HERC3: variants seen among roughly 807,000 people sequenced by gnomAD.
HERC3 encodes the protein probable E3 ubiquitin-protein ligase HERC3.
HERC3 carries 58 observed loss-of-function variants against 129.9 expected under a neutral mutation model. The ratio of observed to expected loss-of-function variants is 0.45; its 90% CI spans 0.36 to 0.56. The LOEUF is 0.56. Ranked by LOEUF, HERC3 falls within the 20% of genes least tolerant of loss-of-function variation. The pLI, the probability that HERC3 is intolerant of heterozygous loss-of-function variation, is 0.00. For missense variants in HERC3, 835 were observed against 1,244.2 expected (o/e 0.67, Z 4.95); for synonymous variants, 430 against 451.0 (o/e 0.95, Z 0.59).
intron 23 of HERC3, chr4:88,693,395 T>C: frequency 1.0e-6 from 1 of 973,132 alleles, no homozygotes; most frequent in South Asian, 4.8e-5. Context: ...TATGTCATTA[T>C]CACCATTTCA....
Position 88,704,660 on chromosome 4 carries a change from A to G in HERC3, c.2944+50A>G, listed in dbSNP as rs769033640. 32 of 1,142,168 alleles carry G rather than the reference A, an allele frequency of 2.8e-5. No homozygotes were observed. The Admixed American group carries it at 5.5e-4, about 20-fold the overall frequency. 70.8% of individuals were successfully genotyped at this position (1,142,168 alleles called of 1,614,324 possible). On this transcript the variant is annotated intron_variant, in intron 25 of 25. Coordinates refer to ENST00000402738, the MANE Select transcript of HERC3 (RefSeq NM_014606.3). ...GTATTTGTCTACATTTTAGTCTTAC[A>G]TACAGTATAGGATGACATGCTCCAC...
chr4:88,646,486 G>T (rs1459278142), intron 3 of HERC3, among the ~76,000 whole-genome samples: 1 of 152,168 alleles, frequency 6.6e-6, no homozygotes, highest in Non-Finnish European at 1.5e-5. Context: ...GCTGTGGAAG[G>T]TTCAAAGAGA....
the HERC3 span, among the ~76,000 whole-genome samples, chr4:88,533,950 T>C: frequency 6.6e-6 from 1 of 152,186 alleles, no homozygotes; most frequent in African/African-American, 2.4e-5. Flanking sequence ...GCTTCTATCT[T>C]TTTTTACTCC....
Position 88,670,149 on chromosome 4 carries a change from A to G in HERC3, c.1808A>G (p.Lys603Arg), listed in dbSNP as rs538374498. The change falls in exon 16 of 26, where the codon AAA becomes AGA. Residue 603 changes from lysine to arginine, a missense_variant. Physicochemically the swap from Lys to Arg is conservative, Grantham distance 26. Coordinates refer to ENST00000402738, the MANE Select transcript of HERC3 (RefSeq NM_014606.3). The part of the protein sequence containing the change: ...LLEKLYKVNL[K>R]VKHVEYDTFY... ...TTTGTTCTTCATTAGGTAAATCTTA[A>G]AGTGAAGCATGTGGAATATGATACA... 1.3e-5 allele frequency: 21 copies of G among 1,612,516 alleles called. No homozygotes were observed. In the East Asian group the frequency reaches 3.8e-4, roughly 29 times the overall value.
intron 3 of HERC3, among the ~76,000 whole-genome samples, chr4:88,622,167 C>A (rs1307216844): frequency 6.6e-6 from 1 of 152,246 alleles, no homozygotes; most frequent in Non-Finnish European, 1.5e-5. Context: ...CAGCCCTGGA[C>A]AACCATTAAT....
intron 23 of HERC3, chr4:88,693,442 A>C (rs1047219603): frequency 7.2e-6 from 7 of 972,366 alleles, no homozygotes; most frequent in Non-Finnish European, 8.6e-6. Flanking sequence ...TTCTTTAAAA[A>C]AAAAGTTGCA....
intron 3 of HERC3, among the ~76,000 whole-genome samples, chr4:88,646,338 A>T (rs1728688442): frequency 6.6e-6 from 1 of 152,178 alleles, no homozygotes. Flanking sequence ...AGTAGAACTA[A>T]CCCTAATAAT....
At chr4:88,607,758 T>G (rs1441147763) in intron 3 of HERC3, among the ~76,000 whole-genome samples, 2 of 152,228 alleles carry the variant, frequency 1.3e-5, no homozygotes, top group Non-Finnish European at 2.9e-5. Flanking sequence ...TGCGAACCAC[T>G]GTTCCTGGCC....
the HERC3 span, among the ~76,000 whole-genome samples, chr4:88,556,226 T>G: frequency 6.6e-6 from 1 of 152,208 alleles, no homozygotes; most frequent in Non-Finnish European, 1.5e-5. Flanking sequence ...GGAGGTGCCC[T>G]GGAGCTGCTA....
At chr4:88,532,594 A>G in the HERC3 span, among the ~76,000 whole-genome samples, 3 of 152,366 alleles carry the variant, frequency 2.0e-5, no homozygotes, top group East Asian at 5.8e-4. Flanking sequence ...CCTCACAGAT[A>G]CAAACACAAA....
intron 3 of HERC3, among the ~76,000 whole-genome samples, chr4:88,633,401 G>C (rs931730276): frequency 2.6e-5 from 4 of 152,098 alleles, no homozygotes; most frequent in Non-Finnish European, 5.9e-5. Context: ...CTTAAAGGGG[G>C]GATGGTAAAG....
the HERC3 span, among the ~76,000 whole-genome samples, chr4:88,531,779 G>A: frequency 1.3e-5 from 2 of 152,178 alleles, no homozygotes; most frequent in African/African-American, 2.4e-5. Context: ...GAGTTGACAC[G>A]CAGGTTCTGA....
At chr4:88,597,610 T>C (rs1443261956) in intron 2 of HERC3, among the ~76,000 whole-genome samples, 1 of 152,208 alleles carries the variant, frequency 6.6e-6, no homozygotes, top group African/African-American at 2.4e-5. Context: ...ATTGTTAGAC[T>C]TTTCAATTCT....
chr4:88,631,795 G>T (rs1343588221), intron 3 of HERC3, among the ~76,000 whole-genome samples: 1 of 152,106 alleles, frequency 6.6e-6, no homozygotes, highest in Non-Finnish European at 1.5e-5. Flanking sequence ...CACAAAGCAG[G>T]GAGAAAAAAG....
chr4:88,667,819 C>A, intron 13 of HERC3, 73 bp from the exon 14 acceptor site: 1 of 1,110,764 alleles, frequency 9.0e-7, no homozygotes. Flanking sequence ...TATCAAATAG[C>A]TTATGAACTT....
intron 25 of HERC3, among the ~76,000 whole-genome samples, chr4:88,706,525 A>C (rs1735794948): frequency 6.6e-6 from 1 of 151,258 alleles, no homozygotes; most frequent in East Asian, 1.9e-4. Flanking sequence ...TCCCTCTTTG[A>C]TTTTGTGAAA....
chr4:88,526,331 A>T, the HERC3 span, among the ~76,000 whole-genome samples: 1 of 152,314 alleles, frequency 6.6e-6, no homozygotes, highest in East Asian at 1.9e-4. Flanking sequence ...ATGTATTTTA[A>T]CAGAGCCTGT....
At chr4:88,637,612 A>G (rs1290111004) in intron 3 of HERC3, among the ~76,000 whole-genome samples, 3 of 152,230 alleles carry the variant, frequency 2.0e-5, no homozygotes, top group Admixed American at 6.5e-5. Flanking sequence ...TAAGAGGGAA[A>G]TTTATAGCAC....
chr4:88,571,678 G>C, the HERC3 span, among the ~76,000 whole-genome samples: 2 of 152,120 alleles, frequency 1.3e-5, no homozygotes. Context: ...TGTGAGATTT[G>C]TTGGTCCAAA....
Sources: gnomAD v4.1 joint callset for allele counts (sites outside exome capture counted in the v4.1 genomes callset) on GRCh38, gnomAD v4.1.1 for gene constraint, MANE v1.5 for transcripts, NCBI Gene and HGNC (gene_info 2026-07-23, HGNC 2026-07-21) for gene names.